The following CORO2B variants were observed in gnomAD, a reference collection of about 807,000 sequenced individuals.
The protein encoded by CORO2B is coronin 2B.
A neutral mutation model predicts 58.8 loss-of-function variants in CORO2B; 26 were observed. That is an observed-to-expected ratio of 0.44 (90% CI 0.32 to 0.61). The LOEUF is 0.61. Ranked by LOEUF, CORO2B falls within the 20% of genes least tolerant of loss-of-function variation. The probability of loss-of-function intolerance (pLI) is 0.04; values close to 1 mark genes in which losing one functional copy is unlikely to be tolerated. For synonymous variants in CORO2B, 242 were observed against 253.8 expected (o/e 0.95, Z 0.44); for missense variants, 460 against 645.1 (o/e 0.71, Z 3.11).
intron 9 of CORO2B, 38 bp from the exon 10 acceptor site, chr15:68,719,106 C>T: frequency 2.0e-6 from 3 of 1,505,332 alleles, no homozygotes; most frequent in Non-Finnish European, 2.8e-6. Context: ...TTCCCAGCAG[C>T]CCCCCATGTG....
intron 2 of CORO2B, among the ~76,000 whole-genome samples, chr15:68,650,482 C>G (rs763210391): frequency 6.7e-6 from 1 of 150,082 alleles, no homozygotes; most frequent in Non-Finnish European, 1.5e-5. Context: ...CGTGATGGTG[C>G]GTGCCTGTAA....
intron 2 of CORO2B, among the ~76,000 whole-genome samples, chr15:68,679,562 G>A (rs2140301300): frequency 6.6e-6 from 1 of 152,322 alleles, no homozygotes; most frequent in Middle Eastern, 3.4e-3. Context: ...CATTTATCGA[G>A]TGCTTCTGTG....
intron 2 of CORO2B, among the ~76,000 whole-genome samples, chr15:68,668,735 G>T (rs941469595): frequency 3.9e-5 from 6 of 152,162 alleles, no homozygotes; most frequent in African/African-American, 1.4e-4. Flanking sequence ...CTCAAGGTTA[G>T]CTCTCACTTG....
the CORO2B span, among the ~76,000 whole-genome samples, chr15:68,547,375 T>C: frequency 6.6e-6 from 1 of 152,210 alleles, no homozygotes; most frequent in African/African-American, 2.4e-5. Context: ...AGAAAGTTTA[T>C]AGCACTGCTT....
At chr15:68,671,643 G>A (rs558986000) in intron 2 of CORO2B, among the ~76,000 whole-genome samples, 26 of 152,310 alleles carry the variant, frequency 1.7e-4, no homozygotes, top group African/African-American at 4.8e-4. Flanking sequence ...GCTCATTCTT[G>A]CAGCTATTGG....
chr15:68,723,950 A>G (rs1893230733), intron 11 of CORO2B, among the ~76,000 whole-genome samples: 1 of 151,894 alleles, frequency 6.6e-6, no homozygotes, highest in Non-Finnish European at 1.5e-5. Context: ...CACACCTGCA[A>G]TCCCAGCACC....
At chr15:68,599,552 A>T (rs921647204) in intron 1 of CORO2B, among the ~76,000 whole-genome samples, 1 of 152,326 alleles carries the variant, frequency 6.6e-6, no homozygotes, top group East Asian at 1.9e-4. Context: ...CTGTCCCCAC[A>T]AGGGCCTGAG....
At chr15:68,585,025 C>T (rs948963247) in intron 1 of CORO2B, among the ~76,000 whole-genome samples, 7 of 152,170 alleles carry the variant, frequency 4.6e-5, no homozygotes, top group East Asian at 1.9e-4. Flanking sequence ...TTTTTGCCCC[C>T]GCAGAGGCCC....
chr15:68,568,161 T>A, the CORO2B span, among the ~76,000 whole-genome samples: 1 of 152,102 alleles, frequency 6.6e-6, no homozygotes, highest in Non-Finnish European at 1.5e-5. Context: ...AAGTTGGAGG[T>A]TGAGTACAGG....
At chr15:68,603,743 C>T (rs1900039693) in intron 1 of CORO2B, among the ~76,000 whole-genome samples, 1 of 152,154 alleles carries the variant, frequency 6.6e-6, no homozygotes, top group African/African-American at 2.4e-5. Flanking sequence ...AGAGAGGCCT[C>T]ACCAGAAACC....
chr15:68,576,878 A>C (rs1486328187), upstream of CORO2B, among the ~76,000 whole-genome samples: 1 of 152,154 alleles, frequency 6.6e-6, no homozygotes, highest in East Asian at 1.9e-4. Context: ...GTACACAGTG[A>C]GAGAAGGCAT....
intron 11 of CORO2B, among the ~76,000 whole-genome samples, chr15:68,722,537 A>G (rs1893185941): frequency 6.6e-6 from 1 of 152,194 alleles, no homozygotes; most frequent in African/African-American, 2.4e-5. Flanking sequence ...GTAAGCTTAA[A>G]ATGAGTGACT....
chr15:68,658,634 C>T (rs1360326537), intron 2 of CORO2B, among the ~76,000 whole-genome samples: 1 of 152,212 alleles, frequency 6.6e-6, no homozygotes, highest in African/African-American at 2.4e-5. Context: ...GGCTCTGTGA[C>T]CTTGGGCAAG....
At position 68,579,750 on chromosome 15, in the gene CORO2B, G is replaced by A. The variant is rs1322292392; in HGVS notation, c.15+473G>A. Among the ~76,000 whole-genome samples, 6 of 152,282 alleles carry A rather than the reference G, an allele frequency of 3.9e-5. No individual in the cohort carries two copies. In the East Asian group the frequency reaches 9.7e-4, roughly 25 times the overall value. ...AGCCTCTGCCGCCCATGCCGGGAGC[G>A]CTGGCTCCACTCCAAAGCCACTCTG... On this transcript the variant is annotated intron_variant, in intron 1 of 11. Transcript: ENST00000261861.
At chr15:68,662,024 A>G (rs988933446) in intron 2 of CORO2B, among the ~76,000 whole-genome samples, 3 of 151,772 alleles carry the variant, frequency 2.0e-5, no homozygotes, top group Non-Finnish European at 4.4e-5. Flanking sequence ...AAATAAATAA[A>G]TAAATTAATT....
chr15:68,695,111 TTCTC>T (rs149581487), intron 2 of CORO2B, 25 bp from the exon 3 acceptor site: 63 of 1,513,042 alleles, frequency 4.2e-5, no homozygotes, highest in Non-Finnish European at 5.2e-5. Context: ...ACTAATCTCC[TTCTC>T]TCTCTCTCTC....
intron 2 of CORO2B, among the ~76,000 whole-genome samples, chr15:68,682,095 G>A (rs1902810436): frequency 6.6e-6 from 1 of 152,088 alleles, no homozygotes. Context: ...AGGAACCCCT[G>A]CTTCAGCTTT....
At chr15:68,518,824 A>G in the CORO2B span, among the ~76,000 whole-genome samples, 1 of 152,140 alleles carries the variant, frequency 6.6e-6, no homozygotes, top group Non-Finnish European at 1.5e-5. Flanking sequence ...ACTGATGAGC[A>G]AGACCCAGAG....
the CORO2B span, among the ~76,000 whole-genome samples, chr15:68,564,095 T>A: frequency 6.6e-6 from 1 of 152,192 alleles, no homozygotes; most frequent in Non-Finnish European, 1.5e-5. Flanking sequence ...TTATAAACAT[T>A]AGATGGTCTA....
Sources: allele counts gnomAD v4.1 joint callset (sites outside exome capture counted in the v4.1 genomes callset), GRCh38; gene constraint gnomAD v4.1.1; transcripts MANE v1.5; gene names NCBI Gene and HGNC (gene_info 2026-07-23, HGNC 2026-07-21).